The following EOMES variants were observed in gnomAD, a reference collection of about 807,000 sequenced individuals.
EOMES encodes eomesodermin, also known as eomesodermin homolog.
In EOMES, 18 loss-of-function variants were observed where a neutral mutation model predicts 61.0. The observed-to-expected ratio is 0.30, with a 90% CI of 0.20 to 0.44. The LOEUF (loss-of-function observed/expected upper bound fraction) is 0.44. Ranked by LOEUF, EOMES falls within the 20% of genes least tolerant of loss-of-function variation. EOMES has a pLI of 1.00. For missense variants in EOMES, 885 were observed against 939.2 expected (o/e 0.94, Z 0.75); for synonymous variants, 430 against 394.0 (o/e 1.09, Z -1.08).
At position 27,721,539 on chromosome 3, in the gene EOMES, G is replaced by A. The variant is rs1292072871; in HGVS notation, c.756C>T (p.Cys252=). 3 of 1,607,538 alleles carry A rather than the reference G, an allele frequency of 1.9e-6. No homozygotes were observed. Among genetic ancestry groups the A allele is most frequent in the Non-Finnish European group, 1.7e-6 (2 of 1,177,386 alleles). Residue 252 remains cysteine (C), a synonymous_variant, in exon 1 of 6, where the codon TGC becomes TGT. Transcript: ENST00000449599. The surrounding 1 kb of genome is among the most constrained non-coding windows in gnomAD (Gnocchi z 7.4). ...PYPGAAAAGS[C]GGLGGLGVPG... ...GAACCCCCAGGCCCCCCAGTCCTCC[G>A]CAAGATCCCGCCGCTGCGGCTCCAG...
In EOMES at chr3:27,722,035, TC is replaced by T; in HGVS notation, c.259del (p.Asp87ThrfsTer53). 1 of 1,529,388 alleles carries T rather than the reference TC, an allele frequency of 6.5e-7. No homozygotes were observed. The highest frequency in any genetic ancestry group is 1.2e-5 in the South Asian group (1 of 82,164). 94.7% of individuals were successfully genotyped at this position (1,529,388 alleles called of 1,614,324 possible). ...AAMLSDTDAG[D>X]AFASAAAVAK... ...CACTGCCGCAGCGCTGGCAAATGCG[TC>T]CCCGGCGTCGGTGTCACTAAGCATG... On this transcript the variant is annotated frameshift_variant, in exon 1 of 6. Coordinates refer to ENST00000449599, the MANE Select transcript of EOMES (RefSeq NM_001278182.2). LOFTEE classifies it high-confidence loss of function.
intron 4 of EOMES, 42 bp downstream of exon 4, chr3:27,718,693 G>A: frequency 6.2e-7 from 1 of 1,612,968 alleles, no homozygotes; most frequent in Non-Finnish European, 8.5e-7. Flanking sequence ...TATCATGCTG[G>A]ACCTTAGCTT....
chr3:27,721,491 G>C lies in EOMES; in HGVS notation c.804C>G (p.His268Gln). Residue 268 changes from histidine (H) to glutamine (Q), a missense_variant, in exon 1 of 6, where the codon CAC becomes CAG. Physicochemically the swap from His to Gln is conservative, Grantham distance 24. Around this residue, in one of 3 missense-constraint regions of EOMES, gnomAD observed 177 missense variants for 273.3 expected, o/e 0.65. Coordinates refer to ENST00000449599, the MANE Select transcript of EOMES (RefSeq NM_001278182.2). The surrounding 1 kb of genome is among the most constrained non-coding windows in gnomAD (Gnocchi z 7.4). Reference sequence around the variant, plus strand: ...ACAGAGGCCGGTTGCACAGGTAGACGTGGGCACGGAAGCCAGAACCTGGAA... The same window carrying C: ...ACAGAGGCCGGTTGCACAGGTAGACCTGGGCACGGAAGCCAGAACCTGGAA... ...LGVPGSGFRA[H>Q]VYLCNRPLWL... is the part of the protein sequence containing the mutation. The C allele has an allele frequency of 6.2e-7, 1 of 1,613,394 alleles. No homozygotes were observed. Among genetic ancestry groups the C allele is most frequent in the Non-Finnish European group, 8.5e-7 (1 of 1,179,812 alleles).
At position 27,721,823 on chromosome 3, in the gene EOMES, C is replaced by G; in HGVS notation, c.472G>C (p.Ala158Pro). ...SPGPQGSELA[A>P]PCSLFPYQAA... ...TGGTACGGGAAGAGTGAGCAGGGCG[C>G]AGCCAGCTCCGACCCCTGAGGACCG... is the stretch of plus-strand genomic sequence containing the variant. The change falls in exon 1 of 6, where the codon GCG (alanine) becomes CCG (proline). Residue 158 changes from alanine to proline, a missense_variant. Around this residue, in one of 3 missense-constraint regions of EOMES, gnomAD observed 449 missense variants for 383.6 expected, o/e 1.17. Transcript: ENST00000449599. The surrounding 1 kb of genome is among the most constrained non-coding windows in gnomAD (Gnocchi z 7.4). 1 of 1,515,872 alleles carries G rather than the reference C, an allele frequency of 6.6e-7. No homozygotes were observed. The highest frequency in any genetic ancestry group is 8.8e-7 in the Non-Finnish European group (1 of 1,140,414). 93.9% of individuals were successfully genotyped at this position (1,515,872 alleles called of 1,614,324 possible). A position where few individuals can be genotyped will look rare whatever the true frequency, so the allele number is the denominator to read the frequency against.
In EOMES at chr3:27,720,416, A is replaced by G. The variant is rs1037443199; in HGVS notation, c.882-91T>C. Reference sequence around the variant, plus strand: ...CCAGCGGGTTCCCCAGACACCTGGGATAGGGTCGGAACACATTTAAAAGTT... The same window carrying G: ...CCAGCGGGTTCCCCAGACACCTGGGGTAGGGTCGGAACACATTTAAAAGTT... On this transcript the variant is annotated intron_variant, in intron 1 of 5. Coordinates refer to ENST00000449599, the MANE Select transcript of EOMES (RefSeq NM_001278182.2). The G allele has an allele frequency of 5.5e-5, 56 of 1,023,142 alleles. 1 individual carries two copies. The highest frequency in any genetic ancestry group is 2.1e-4 in the Admixed American group (12 of 58,340). 63.4% of individuals were successfully genotyped at this position (1,023,142 alleles called of 1,614,324 possible). A position where few individuals can be genotyped will look rare whatever the true frequency, so the allele number is the denominator to read the frequency against.
At position 27,721,312 on chromosome 3, in the gene EOMES, C is replaced by A; in HGVS notation, c.881+102G>T. On this transcript the variant is annotated intron_variant, in intron 1 of 5. Coordinates refer to ENST00000449599, the MANE Select transcript of EOMES (RefSeq NM_001278182.2). This position sits in a 1 kb window ranked among gnomAD's most constrained non-coding sequence, Gnocchi z 7.4. ...GCGCGCGGTGAAACACTCTAAGCAC[C>A]GCGCGGAACAACTGGGTTCAGCTCC... 1.1e-6 allele frequency: 1 copy of A among 946,458 alleles called. No homozygotes were observed. The highest frequency in any genetic ancestry group is 1.6e-6 in the Non-Finnish European group (1 of 625,816). 58.6% of individuals were successfully genotyped at this position (946,458 alleles called of 1,614,324 possible).
rs1007974185 is a variant in EOMES, at chr3:27,716,596, G to A, written c.*474C>T. 1 of 154,938 alleles carries A rather than the reference G, an allele frequency of 6.5e-6. No individual in the cohort carries two copies. The highest frequency in any genetic ancestry group is 2.4e-5 in the African/African-American group (1 of 41,444). 9.6% of individuals were successfully genotyped at this position (154,938 alleles called of 1,614,324 possible). On this transcript the variant is annotated 3_prime_UTR_variant, in exon 6 of 6. Coordinates refer to ENST00000449599, the MANE Select transcript of EOMES (RefSeq NM_001278182.2). ...TTGACTCCTGGGCCTAGTATCTTTT[G>A]CCCCTGGCAGAATGTAACAGCAAAA...
At chr3:27,719,157 T>C (rs534977467) in intron 3 of EOMES, among the ~76,000 whole-genome samples, 2 of 152,234 alleles carry the variant, frequency 1.3e-5, no homozygotes, top group South Asian at 4.1e-4. Context: ...ATTTCTGTTC[T>C]TAATAGTCAA....
At position 27,717,383 on chromosome 3, in the gene EOMES, C is replaced by T. The variant is rs1345197783; in HGVS notation, c.1805G>A (p.Arg602Lys). ...CCATGGTAGTCCAGCTGCCATCTTC[C>T]TCTGGTAAGAACCTCGACCTCCCCA... The part of the protein sequence containing the change: ...AGWGGRGSYQ[R>K]KMAAGLPWTS... Residue 602 changes from arginine to lysine, a missense_variant, in exon 6 of 6, where the codon AGG becomes AAG. Transcript: ENST00000449599. This position sits in a 1 kb window ranked among gnomAD's most constrained non-coding sequence, Gnocchi z 4.5. 12 of 1,614,204 alleles carry T rather than the reference C, an allele frequency of 7.4e-6. No individual in the cohort carries two copies. Among genetic ancestry groups the T allele is most frequent in the Non-Finnish European group, 1.0e-5 (12 of 1,180,030 alleles).
upstream of EOMES, chr3:27,722,538 G>A: frequency 7.5e-7 from 1 of 1,325,548 alleles, no homozygotes; most frequent in Non-Finnish European, 9.6e-7. Context: ...AACTAACCCA[G>A]AAGCCCTCTC....
In EOMES at chr3:27,717,416, A is replaced by G. The variant is rs1057258657; in HGVS notation, c.1772T>C (p.Met591Thr). Residue 591 changes from methionine to threonine, a missense_variant, in exon 6 of 6, where the codon ATG becomes ACG. Physicochemically the swap from Met to Thr is moderately conservative, Grantham distance 81 (BLOSUM62 -1). Coordinates refer to ENST00000449599, the MANE Select transcript of EOMES (RefSeq NM_001278182.2). This position sits in a 1 kb window ranked among gnomAD's most constrained non-coding sequence, Gnocchi z 4.5. ...GYYPDPTFPA[M>T]AGWGGRGSYQ... ...AGAACCTCGACCTCCCCACCCTGCC[A>G]TTGCAGGAAAGGTTGGGTCTGGGTA... 6.2e-7 allele frequency: 1 copy of G among 1,614,210 alleles called. No individual in the cohort carries two copies. The highest frequency in any genetic ancestry group is 8.5e-7 in the Non-Finnish European group (1 of 1,180,028).
At position 27,721,662 on chromosome 3, in the gene EOMES, T is replaced by C; in HGVS notation, c.633A>G (p.Gly211=). The change falls in exon 1 of 6, where the codon GGA becomes GGG. Residue 211 remains glycine, a synonymous_variant. Transcript: ENST00000449599. The surrounding 1 kb of genome is among the most constrained non-coding windows in gnomAD (Gnocchi z 7.4). ...CPPGRAQFGP[G]AGAGSGAGGS... ...CGCCCGCGCCACTGCCCGCACCGGC[T>C]CCTGGGCCGAACTGCGCCCTCCCGG... 2 of 1,537,592 alleles carry C rather than the reference T, an allele frequency of 1.3e-6. No homozygotes were observed. Among genetic ancestry groups the C allele is most frequent in the Non-Finnish European group, 1.7e-6 (2 of 1,145,202 alleles).
chr3:27,722,179 G>A lies in EOMES; in HGVS notation c.116C>T (p.Ala39Val). Reference sequence around the variant, plus strand: ...GTCCAACTTCTGAGGAGAGGGGGCCGCGCTGGGGAGGTGGCCAGCGCTCCC... The same window carrying A: ...GTCCAACTTCTGAGGAGAGGGGGCCACGCTGGGGAGGTGGCCAGCGCTCCC... The part of the protein sequence containing the change: ...SGGSAGHLPS[A>V]APSPQKLDLD... Residue 39 changes from alanine (A) to valine (V), a missense_variant, in exon 1 of 6, where the codon GCG becomes GTG. By Grantham distance (64) the Ala-to-Val change is moderately conservative. This residue lies in a region of EOMES where 449 missense variants were observed against 383.6 expected (regional missense o/e 1.17). Coordinates refer to ENST00000449599, the MANE Select transcript of EOMES (RefSeq NM_001278182.2). 2 of 1,592,846 alleles carry A rather than the reference G, an allele frequency of 1.3e-6. No individual in the cohort carries two copies. Among genetic ancestry groups the A allele is most frequent in the Non-Finnish European group, 1.7e-6 (2 of 1,171,024 alleles).
rs368109353 is a variant in EOMES, at chr3:27,717,957, G to A, written c.1380-149C>T. On this transcript the variant is annotated intron_variant, in intron 5 of 5. Transcript: ENST00000449599. The surrounding 1 kb of genome is among the most constrained non-coding windows in gnomAD (Gnocchi z 4.5). ...GGCTGAAAGAACAGAGGCAGGAGAT[G>A]CACTGGCCCATTTTAGCTGGACTCT... The A allele has an allele frequency of 1.6e-6, 1 of 610,864 alleles. No individual in the cohort carries two copies. The highest frequency in any genetic ancestry group is 2.7e-6 in the Non-Finnish European group (1 of 368,664). The allele number at this position is 610,864 out of a possible 1,614,324, so 37.8% of individuals were successfully genotyped here. A position where few individuals can be genotyped will look rare whatever the true frequency, so the allele number is the denominator to read the frequency against.
rs1183895654 is a variant in EOMES at position 27,718,575 on chromosome 3, A to T, written c.1379+12T>A. ...AGATGATCAGGCAAGTGTGGATAAA[A>T]GCTGCACTTACGAATCATAGTTGTC... On this transcript the variant is annotated intron_variant, in intron 5 of 5. Coordinates refer to ENST00000449599, the MANE Select transcript of EOMES (RefSeq NM_001278182.2). The T allele has an allele frequency of 6.3e-7, 1 of 1,596,060 alleles. No homozygotes were observed. Among genetic ancestry groups the T allele is most frequent in the African/African-American group, 1.3e-5 (1 of 74,516 alleles).
Position 27,721,905 on chromosome 3 carries a change from G to GGCCGCA in EOMES, c.384_389dup (p.Ala129_Ala130dup). On this transcript the variant is annotated inframe_insertion, in exon 1 of 6. Transcript: ENST00000449599. This position sits in a 1 kb window ranked among gnomAD's most constrained non-coding sequence, Gnocchi z 7.4. ...GGCTGTCCATGGAGTAGCGCGCAGTGGCCGCAGCCGCGGCGGCGGCGGCGG... is the reference window on the plus strand; with the variant it reads ...GGCTGTCCATGGAGTAGCGCGCAGTGGCCGCAGCCGCAGCCGCGGCGGCGGCGGCGG... The GGCCGCA allele has an allele frequency of 2.9e-6, 4 of 1,400,916 alleles. No individual in the cohort carries two copies. The highest frequency in any genetic ancestry group is 3.2e-5 in the East Asian group (1 of 31,260). The allele number at this position is 1,400,916 out of a possible 1,614,324, so 86.8% of individuals were successfully genotyped here. A position where few individuals can be genotyped will look rare whatever the true frequency, so the allele number is the denominator to read the frequency against.
rs374876550 is a variant in EOMES at position 27,719,619 on chromosome 3, A to G, written c.1037-138T>C. ...GTTGGTCTCCCAGTAAAAGTTGCTT[A>G]AAGAGGCCAGTGGAGACCAGCAGGA... On this transcript the variant is annotated intron_variant, in intron 2 of 5. Coordinates refer to ENST00000449599, the MANE Select transcript of EOMES (RefSeq NM_001278182.2). 53 of 753,890 alleles carry G rather than the reference A, an allele frequency of 7.0e-5. 1 individual carries two copies. Among genetic ancestry groups the G allele is most frequent in the East Asian group, 4.2e-4 (16 of 37,896 alleles). The allele number at this position is 753,890 out of a possible 1,614,324, so 46.7% of individuals were successfully genotyped here.
Position 27,718,834 on chromosome 3 carries a change from T to G in EOMES, c.1218A>C (p.Thr406=). The G allele has an allele frequency of 1.2e-6, 2 of 1,614,048 alleles. No homozygotes were observed. The highest frequency in any genetic ancestry group is 1.7e-6 in the Non-Finnish European group (2 of 1,179,884). ...CATTCAAGTCCTCCACGCCATCCTC[T>G]GTAACTTCAACAATATGCAGTCGGG... ...YQPRLHIVEV[T]EDGVEDLNEP... Residue 406 remains threonine (T), a synonymous_variant, in exon 4 of 6, where the codon ACA becomes ACC. Coordinates refer to ENST00000449599, the MANE Select transcript of EOMES (RefSeq NM_001278182.2).
At position 27,717,220 on chromosome 3, in the gene EOMES, G is replaced by GGT. The variant is rs775779706; in HGVS notation, c.1966_1967dup (p.Ser657ProfsTer22). 1.9e-6 allele frequency: 3 copies of GGT among 1,613,102 alleles called. No individual in the cohort carries two copies. The South Asian group carries it at 3.3e-5, about 18-fold the overall frequency. On this transcript the variant is annotated frameshift_variant, in exon 6 of 6. Transcript: ENST00000449599. LOFTEE classifies it high-confidence loss of function. The surrounding 1 kb of genome is among the most constrained non-coding windows in gnomAD (Gnocchi z 4.5). The stretch of plus-strand genomic sequence containing the variant: ...ACAGCCGCCTTCGCTTACAAGCACT[G>GGT]GTGTATACTCCTGAATCATTGGAAT...
Sources: gnomAD v4.1 joint callset for allele counts (sites outside exome capture counted in the v4.1 genomes callset) on GRCh38, gnomAD v4.1.1 for gene constraint, gnomAD v4.1.1 regional missense constraint, Gnocchi (gnomAD v3.1) non-coding constraint, MANE v1.5 for transcripts, NCBI Gene and HGNC (gene_info 2026-07-23, HGNC 2026-07-21) for gene names.